The following AGBL4 variants were observed in gnomAD, a reference collection of about 807,000 sequenced individuals.
The protein encoded by AGBL4 is cytosolic carboxypeptidase 6.
AGBL4 carries 58 observed loss-of-function variants against 66.4 expected under a neutral mutation model. That is an observed-to-expected ratio of 0.87 (90% confidence interval 0.71 to 1.09). AGBL4 has a LOEUF of 1.09. Among genes scored for constraint, AGBL4 ranks in the 50% least tolerant of loss-of-function variants. AGBL4 has a pLI of 0.00. For synonymous variants in AGBL4, 234 were observed against 222.9 expected, an observed-to-expected ratio of 1.05 and a Z score of -0.44; for missense variants, 579 against 631.0, an observed-to-expected ratio of 0.92 and a Z score of 0.88.
At chr1:49,970,740 CACACACAT>C (rs1160575630) in intron 1 of AGBL4, among the ~76,000 whole-genome samples, 1 of 111,374 alleles carries the variant, frequency 9.0e-6, no homozygotes, top group African/African-American at 3.0e-5. Flanking sequence ...CACACACACA[CACACACAT>C]ACACAAACAA....
At chr1:49,678,570 T>C (rs1646625695) in intron 3 of AGBL4, among the ~76,000 whole-genome samples, 1 of 152,136 alleles carries the variant, frequency 6.6e-6, no homozygotes, top group African/African-American at 2.4e-5. Flanking sequence ...TTAGACTTTC[T>C]TCTTTTCTAA....
At chr1:49,341,805 A>G (rs987478789) in intron 3 of AGBL4, among the ~76,000 whole-genome samples, 3 of 152,108 alleles carry the variant, frequency 2.0e-5, no homozygotes, top group Non-Finnish European at 4.4e-5. Flanking sequence ...CAGCGTTCAG[A>G]TGGGTCTTTC....
chr1:49,807,455 C>T (rs941507979), intron 2 of AGBL4, among the ~76,000 whole-genome samples: 1 of 152,178 alleles, frequency 6.6e-6, no homozygotes, highest in Non-Finnish European at 1.5e-5. Flanking sequence ...ATGAGAGTAT[C>T]TATCCTATGA....
chr1:48,721,576 C>T (rs948231776), intron 6 of AGBL4, among the ~76,000 whole-genome samples: 4 of 152,168 alleles, frequency 2.6e-5, no homozygotes, highest in South Asian at 2.1e-4. Flanking sequence ...GTCCCTGGCC[C>T]GGACTCCTCA....
intron 5 of AGBL4, among the ~76,000 whole-genome samples, chr1:48,930,184 A>G (rs966708871): frequency 6.6e-6 from 1 of 152,080 alleles, no homozygotes; most frequent in African/African-American, 2.4e-5. Context: ...AAACTTGAAA[A>G]GATTAGACAC....
At chr1:48,746,556 C>T (rs1363275882) in intron 6 of AGBL4, among the ~76,000 whole-genome samples, 16 of 152,234 alleles carry the variant, frequency 1.1e-4, no homozygotes, top group South Asian at 6.2e-4. Context: ...TCTCACTCAG[C>T]ACCATTTGCT....
intron 1 of AGBL4, chr1:49,994,956 T>A: frequency 2.8e-6 from 1 of 360,892 alleles, no homozygotes. Flanking sequence ...AATATAGGAA[T>A]AGAGGAAGCA....
intron 5 of AGBL4, among the ~76,000 whole-genome samples, chr1:48,960,496 A>C (rs1657877320): frequency 6.6e-6 from 1 of 152,226 alleles, no homozygotes. Context: ...GAGTGGATGA[A>C]ATCATCAAGG....
intron 6 of AGBL4, among the ~76,000 whole-genome samples, chr1:48,664,123 A>G (rs1410681455): frequency 6.6e-6 from 1 of 152,236 alleles, no homozygotes. Context: ...CAAAGAGCAG[A>G]GAGGGGTATC....
intron 3 of AGBL4, among the ~76,000 whole-genome samples, chr1:49,267,592 A>G (rs1252852766): frequency 6.6e-6 from 1 of 152,108 alleles, no homozygotes; most frequent in Non-Finnish European, 1.5e-5. Flanking sequence ...AGGCAGGAGA[A>G]TCACTGGAAC....
intron 3 of AGBL4, among the ~76,000 whole-genome samples, chr1:49,371,817 C>CTG (rs55882947): frequency 0.016 from 2,242 of 139,996 alleles, 20 homozygotes; most frequent in East Asian, 0.036. Context: ...TTTTCAAACT[C>CTG]TGTGTGTGTG....
intron 3 of AGBL4, among the ~76,000 whole-genome samples, chr1:49,564,424 G>C (rs1487281364): frequency 6.6e-6 from 1 of 151,958 alleles, no homozygotes; most frequent in Non-Finnish European, 1.5e-5. Flanking sequence ...GATCTTTCCT[G>C]CTTTCTCTTG....
intron 6 of AGBL4, among the ~76,000 whole-genome samples, chr1:48,692,282 G>A (rs1027666945): frequency 6.6e-6 from 1 of 152,202 alleles, no homozygotes; most frequent in African/African-American, 2.4e-5. Flanking sequence ...ATCTAGCCAG[G>A]AGTCCAGTTA....
At chr1:49,965,129 C>T (rs1657448435) in intron 1 of AGBL4, among the ~76,000 whole-genome samples, 1 of 152,144 alleles carries the variant, frequency 6.6e-6, no homozygotes, top group African/African-American at 2.4e-5. Flanking sequence ...CTCAGACTAA[C>T]AATAAGAAAA....
Position 49,322,448 on chromosome 1 carries a change from T to C in AGBL4, c.283-76584A>G, listed in dbSNP as rs116049968. On this transcript the variant is annotated intron_variant, in intron 3 of 13. Coordinates refer to ENST00000371839, the MANE Select transcript of AGBL4 (RefSeq NM_032785.4). The stretch of plus-strand genomic sequence containing the variant: ...TTGAATGACAGTCGTCCAAAATTTA[T>C]GTTCACATCCAAATCACTGGAACTT... Among the ~76,000 whole-genome samples the C allele has an allele frequency of 2.7e-3, 410 of 152,342 alleles. 1 individual carries two copies. The highest frequency in any genetic ancestry group is 9.6e-3 in the African/African-American group (398 of 41,584).
At chr1:49,387,570 A>C (rs1197484536) in intron 3 of AGBL4, among the ~76,000 whole-genome samples, 1 of 152,046 alleles carries the variant, frequency 6.6e-6, no homozygotes, top group Non-Finnish European at 1.5e-5. Context: ...CAAACTGAAA[A>C]AGGTTGGTAT....
At chr1:49,082,805 T>C (rs1207410814) in intron 4 of AGBL4, among the ~76,000 whole-genome samples, 1 of 152,220 alleles carries the variant, frequency 6.6e-6, no homozygotes, top group South Asian at 2.1e-4. Flanking sequence ...ACATCTCATC[T>C]GAAACAAGGC....
At chr1:49,942,743 G>T (rs1654882183) in intron 1 of AGBL4, among the ~76,000 whole-genome samples, 1 of 152,066 alleles carries the variant, frequency 6.6e-6, no homozygotes, top group South Asian at 2.1e-4. Flanking sequence ...AACATAGAGG[G>T]AAAGCTTCTT....
intron 5 of AGBL4, among the ~76,000 whole-genome samples, chr1:48,895,307 T>C (rs1452212204): frequency 6.6e-6 from 1 of 152,198 alleles, no homozygotes; most frequent in Admixed American, 6.5e-5. Flanking sequence ...GGCCAGCCAG[T>C]GGTCAACATG....
Sources: allele counts gnomAD v4.1 joint callset (sites outside exome capture counted in the v4.1 genomes callset), GRCh38; gene constraint gnomAD v4.1.1; transcripts MANE v1.5; gene names NCBI Gene and HGNC (gene_info 2026-07-23, HGNC 2026-07-21).